COL2A1: variants seen among roughly 807,000 people sequenced by gnomAD.
COL2A1 encodes collagen alpha-1(II) chain.
In COL2A1, 28 loss-of-function variants were observed where a neutral mutation model predicts 204.5. The observed-to-expected ratio is 0.14, with a 90% confidence interval of 0.10 to 0.19. COL2A1 has a LOEUF of 0.19. Among genes scored for constraint, COL2A1 ranks in the 10% least tolerant of loss-of-function variants. The pLI, the probability that COL2A1 is intolerant of heterozygous loss-of-function variation, is 1.00. For synonymous variants in COL2A1, 708 were observed against 718.7 expected, an observed-to-expected ratio of 0.99 and a Z score of 0.24; for missense variants, 1,388 against 2,027.5, an observed-to-expected ratio of 0.68 and a Z score of 6.06.
intron 51 of COL2A1, 86 bp from the exon 52 acceptor site, chr12:47,974,948 CAGAG>C (rs1938623580): frequency 2.2e-6 from 3 of 1,376,720 alleles, no homozygotes; most frequent in Non-Finnish European, 3.0e-6. Context: ...CTGAAAGAGA[CAGAG>C]AGGCCTACAG....
chr12:47,980,838 A>C lies in COL2A1; in HGVS notation c.2517+77T>G. 6.6e-7 allele frequency: 1 copy of C among 1,513,076 alleles called. No homozygotes were observed. Among genetic ancestry groups the C allele is most frequent in the Middle Eastern group, 1.7e-4 (1 of 5,918 alleles). The allele number at this position is 1,513,076 out of a possible 1,614,324, so 93.7% of individuals were successfully genotyped here. The stretch of plus-strand genomic sequence containing the variant: ...GGAGCATCCATTTCCCTCCCTGACA[A>C]GCTCCGATGCCCGAGGGTGCTGGAT... On this transcript the variant is annotated intron_variant, in intron 38 of 53. Transcript: ENST00000380518. The surrounding 1 kb of genome is among the most constrained non-coding windows in gnomAD (Gnocchi z 4.5).
At chr12:48,002,227 C>G (rs1940268424) in intron 1 of COL2A1, among the ~76,000 whole-genome samples, 1 of 152,198 alleles carries the variant, frequency 6.6e-6, no homozygotes. Context: ...TGAGATCTCT[C>G]CCCTGAGCCA....
intron 10 of COL2A1, among the ~76,000 whole-genome samples, 193 bp from the exon 11 acceptor site, chr12:47,995,501 G>T (rs1201083765): frequency 3.3e-5 from 5 of 152,220 alleles, no homozygotes; most frequent in African/African-American, 1.2e-4. Flanking sequence ...CGGAAAGGGG[G>T]CTGTTAGGAC....
At chr12:47,986,023 T>A (rs1939384051) in intron 23 of COL2A1, 58 bp from the exon 24 acceptor site, 1 of 1,493,414 alleles carries the variant, frequency 6.7e-7, no homozygotes, top group Admixed American at 2.0e-5. Context: ...CCAGCCAGGC[T>A]CCAGTGGGTC....
intron 2 of COL2A1, 172 bp from the exon 3 acceptor site, chr12:47,998,603 G>A (rs1057125609): frequency 8.9e-6 from 6 of 677,356 alleles, no homozygotes; most frequent in Admixed American, 5.8e-5. Flanking sequence ...TAGGGCCACT[G>A]TGGCCCTGGG....
At chr12:47,986,730 G>T (rs946609582) in intron 22 of COL2A1, 105 bp downstream of exon 22, 2 of 1,307,090 alleles carry the variant, frequency 1.5e-6, no homozygotes, top group Non-Finnish European at 2.2e-6. Flanking sequence ...GACCCAGATT[G>T]GGGGATAGAG....
chr12:47,986,226 G>A (rs1939397970), intron 23 of COL2A1, 110 bp downstream of exon 23: 6 of 821,912 alleles, frequency 7.3e-6, no homozygotes, highest in South Asian at 5.8e-5. Context: ...GAAAGAGGAG[G>A]ATGACATGCG....
At position 47,973,195 on chromosome 12, in the gene COL2A1, A is replaced by C; in HGVS notation, c.*212T>G. The C allele has an allele frequency of 1.5e-6, 1 of 664,582 alleles. No individual in the cohort carries two copies. Among genetic ancestry groups the C allele is most frequent in the Non-Finnish European group, 2.7e-6 (1 of 373,848 alleles). 41.2% of individuals were successfully genotyped at this position (664,582 alleles called of 1,614,324 possible). A position where few individuals can be genotyped will look rare whatever the true frequency, so the allele number is the denominator to read the frequency against. ...CCGAAGGTCTTACAGGAAGACAATA[A>C]ATAAATAGAACACCGAGATTTTATT... is the stretch of plus-strand genomic sequence containing the variant. On this transcript the variant is annotated 3_prime_UTR_variant, in exon 54 of 54. Coordinates refer to ENST00000380518, the MANE Select transcript of COL2A1 (RefSeq NM_001844.5).
chr12:47,986,823 G>A lies in COL2A1; in HGVS notation c.1419+12C>T. On this transcript the variant is annotated intron_variant, in intron 22 of 53. Transcript: ENST00000380518. ...CAGCAGAGAAGACAAGGGCTTGGGGGCAGATACTCACAGGTTCTCCCTTGG... is the reference window on the plus strand; with the variant it reads ...CAGCAGAGAAGACAAGGGCTTGGGGACAGATACTCACAGGTTCTCCCTTGG... 1 of 1,614,102 alleles carries A rather than the reference G, an allele frequency of 6.2e-7. No homozygotes were observed. The highest frequency in any genetic ancestry group is 8.5e-7 in the Non-Finnish European group (1 of 1,179,948).
rs1938966812 is a variant in COL2A1 at position 47,980,135 on chromosome 12, C to G, written c.2626-73G>C. The stretch of plus-strand genomic sequence containing the variant: ...CGGTGGGCTTCTGTCTGAGCCCCAA[C>G]AATGGACCCCTGAGGTTTTCGAAGA... On this transcript the variant is annotated intron_variant, in intron 39 of 53. Transcript: ENST00000380518. The surrounding 1 kb of genome is among the most constrained non-coding windows in gnomAD (Gnocchi z 4.5). 2.1e-5 allele frequency: 28 copies of G among 1,339,022 alleles called. No individual in the cohort carries two copies. The highest frequency in any genetic ancestry group is 2.9e-5 in the Non-Finnish European group (28 of 954,172). The allele number at this position is 1,339,022 out of a possible 1,614,324, so 82.9% of individuals were successfully genotyped here.
chr12:48,001,600 T>G (rs951136781), intron 1 of COL2A1, among the ~76,000 whole-genome samples: 1 of 152,102 alleles, frequency 6.6e-6, no homozygotes, highest in South Asian at 2.1e-4. Context: ...CGGATCAGAT[T>G]TCCCGGGGAA....
At chr12:47,975,916 G>T in intron 50 of COL2A1, 47 bp downstream of exon 50, 3 of 1,441,586 alleles carry the variant, frequency 2.1e-6, no homozygotes, top group Non-Finnish European at 2.9e-6. Flanking sequence ...CAAGCCTCCC[G>T]GATGGTAGGG....
Position 47,973,287 on chromosome 12 carries a change from G to T in COL2A1, c.*120C>A. 2 of 1,299,992 alleles carry T rather than the reference G, an allele frequency of 1.5e-6. No homozygotes were observed. The highest frequency in any genetic ancestry group is 2.2e-6 in the Non-Finnish European group (2 of 893,676). 80.5% of individuals were successfully genotyped at this position (1,299,992 alleles called of 1,614,324 possible). A position where few individuals can be genotyped will look rare whatever the true frequency, so the allele number is the denominator to read the frequency against. On this transcript the variant is annotated 3_prime_UTR_variant, in exon 54 of 54. Coordinates refer to ENST00000380518, the MANE Select transcript of COL2A1 (RefSeq NM_001844.5). ...GAAAAGTCCGAACTGTGAGAGGGTG[G>T]GATGAATGGACATCAGGTCAGGTCA... is the stretch of plus-strand genomic sequence containing the variant.
At position 47,974,287 on chromosome 12, in the gene COL2A1, G is replaced by A. The variant is rs1037668981; in HGVS notation, c.4119C>T (p.Val1373=). Residue 1373 remains valine, a synonymous_variant, in exon 53 of 54, where the codon GTC becomes GTT. Transcript: ENST00000380518. ...DDNLAPNTAN[V]QMTFLRLLST... is the part of the protein sequence containing the mutation. ...ACAGCAGGCGTAGGAAGGTCATCTG[G>A]ACGTTGGCAGTGTTGGGAGCCAGAT... 5 of 1,614,092 alleles carry A rather than the reference G, an allele frequency of 3.1e-6. No individual in the cohort carries two copies. Among genetic ancestry groups the A allele is most frequent in the Non-Finnish European group, 4.2e-6 (5 of 1,180,048 alleles).
In COL2A1 at chr12:48,004,386, C is replaced by T; in HGVS notation, c.-65G>A. On this transcript the variant is annotated 5_prime_UTR_variant, in exon 1 of 54. Coordinates refer to ENST00000380518, the MANE Select transcript of COL2A1 (RefSeq NM_001844.5). The stretch of plus-strand genomic sequence containing the variant: ...GCGCAGCGAAACGGCAGGAGCACGG[C>T]GCGGGTCCGGGTCTCTACCGCGCCC... 1 of 1,033,336 alleles carries T rather than the reference C, an allele frequency of 9.7e-7. No individual in the cohort carries two copies. The highest frequency in any genetic ancestry group is 1.5e-6 in the Non-Finnish European group (1 of 685,842). The allele number at this position is 1,033,336 out of a possible 1,614,324, so 64.0% of individuals were successfully genotyped here.
In COL2A1 at chr12:47,986,440, G is replaced by T. The variant is rs757226164; in HGVS notation, c.1423C>A (p.Pro475Thr). Residue 475 changes from proline (P) to threonine (T), a missense_variant, in exon 23 of 54, where the codon CCT becomes ACT. This residue lies in a region of COL2A1 where 884 missense variants were observed against 1,415.8 expected (regional missense o/e 0.62). Transcript: ENST00000380518. ...GEQGPKGEPG[P>T]AGPQGAPGPA... Reference sequence around the variant, plus strand: ...CCAGGGGCTCCCTGGGGGCCAGCAGGGCCCTGAGGACCAGCAAAAAAGAGA... The same window carrying T: ...CCAGGGGCTCCCTGGGGGCCAGCAGTGCCCTGAGGACCAGCAAAAAAGAGA... 6.4e-7 allele frequency: 1 copy of T among 1,552,764 alleles called. No homozygotes were observed. The highest frequency in any genetic ancestry group is 8.7e-7 in the Non-Finnish European group (1 of 1,145,960).
chr12:47,982,224 C>A, intron 34 of COL2A1, 64 bp from the exon 35 acceptor site: 1 of 1,443,862 alleles, frequency 6.9e-7, no homozygotes, highest in Non-Finnish European at 9.7e-7. Flanking sequence ...TTTGCTCAGT[C>A]CCACCCAGGC....
rs1321858744 is a variant in COL2A1, at chr12:47,984,626, G to A, written c.1834-27C>T. ...TGAAGGAAAGAGAGGGCAGGGCCAT[G>A]AGGCGGATGGTTTGGGAGGGAGTTG... On this transcript the variant is annotated intron_variant, in intron 27 of 53. Transcript: ENST00000380518. The A allele has an allele frequency of 2.5e-6, 4 of 1,612,616 alleles. No individual in the cohort carries two copies. The East Asian group carries it at 8.9e-5, about 36-fold the overall frequency.
upstream of COL2A1, among the ~76,000 whole-genome samples, chr12:48,004,786 G>A (rs1224884468): frequency 6.6e-6 from 1 of 152,242 alleles, no homozygotes; most frequent in Admixed American, 6.5e-5. Context: ...GGGAAGGGTG[G>A]CCTCCGGCCC....
Sources: allele counts gnomAD v4.1 joint callset (sites outside exome capture counted in the v4.1 genomes callset), GRCh38; gene constraint gnomAD v4.1.1; regional missense constraint gnomAD v4.1.1; non-coding constraint Gnocchi (gnomAD v3.1); transcripts MANE v1.5; gene names NCBI Gene and HGNC (gene_info 2026-07-23, HGNC 2026-07-21).